MBD5: variants seen among roughly 807,000 people sequenced by gnomAD.
MBD5 encodes methyl-CpG-binding domain protein 5.
Under a neutral mutation model 117.3 loss-of-function variants are expected in MBD5, and 13 were observed. The observed-to-expected ratio is 0.11, with a 90% CI of 0.07 to 0.18. The LOEUF (loss-of-function observed/expected upper bound fraction) is 0.18. Among genes scored for constraint, MBD5 ranks in the 10% least tolerant of loss-of-function variants. MBD5 has a pLI of 1.00. For missense variants in MBD5, 1,879 were observed against 2,093.8 expected (o/e 0.90, Z 2.00); for synonymous variants, 727 against 766.4 (o/e 0.95, Z 0.85).
At chr2:148,387,663 G>A (rs1471965300) in intron 4 of MBD5, among the ~76,000 whole-genome samples, 1 of 151,902 alleles carries the variant, frequency 6.6e-6, no homozygotes, top group Admixed American at 6.6e-5. Flanking sequence ...AATAGAATTA[G>A]TAAAAATAGG....
intron 2 of MBD5, among the ~76,000 whole-genome samples, chr2:148,187,812 C>G (rs190668229): frequency 2.8e-4 from 42 of 151,954 alleles, no homozygotes; most frequent in African/African-American, 9.9e-4. Context: ...AAAAATGATG[C>G]TAGATGGAAA....
intron 3 of MBD5, among the ~76,000 whole-genome samples, chr2:148,325,816 T>G (rs950655097): frequency 6.6e-6 from 1 of 152,156 alleles, no homozygotes; most frequent in Non-Finnish European, 1.5e-5. Context: ...TTTGAACGGT[T>G]TTTTGTGTCC....
chr2:148,157,042 A>G (rs1198290596), intron 1 of MBD5, among the ~76,000 whole-genome samples: 1 of 152,212 alleles, frequency 6.6e-6, no homozygotes. Flanking sequence ...ACTTTCAGTC[A>G]CATAGCAATA....
At chr2:148,152,768 C>CT (rs1443657983) in intron 1 of MBD5, among the ~76,000 whole-genome samples, 1 of 150,566 alleles carries the variant, frequency 6.6e-6, no homozygotes, top group African/African-American at 2.4e-5. Context: ...CAACCCCTGC[C>CT]TTTTTTTGTT....
chr2:148,046,669 G>A (rs551567635), intron 1 of MBD5, among the ~76,000 whole-genome samples: 20 of 152,076 alleles, frequency 1.3e-4, no homozygotes, highest in Non-Finnish European at 2.8e-4. Flanking sequence ...CTATCTTTGT[G>A]TTATGCACAT....
intron 9 of MBD5, 32 bp from the exon 10 acceptor site, chr2:148,485,710 T>A: frequency 6.7e-7 from 1 of 1,496,490 alleles, no homozygotes; most frequent in Middle Eastern, 1.7e-4. Context: ...AAGAATCACA[T>A]TTATTTATAT....
Position 148,314,519 on chromosome 2 carries a change from C to T in MBD5, c.-679-27695C>T, listed in dbSNP as rs112239658. On this transcript the variant is annotated intron_variant, in intron 3 of 13. Transcript: ENST00000642680. ...CAGCCCCCCAGGTAGCTGGGATTAC[C>T]GGCAGTGCCACCACTCCCAGCTAAT... Among the ~76,000 whole-genome samples, 739 of 151,436 alleles carry T rather than the reference C, an allele frequency of 4.9e-3. 8 individuals are homozygous for T. Among genetic ancestry groups the T allele is most frequent in the African/African-American group, 0.017 (687 of 41,312 alleles).
intron 1 of MBD5, among the ~76,000 whole-genome samples, chr2:148,084,777 C>T (rs534754532): frequency 6.6e-6 from 1 of 152,238 alleles, no homozygotes; most frequent in East Asian, 1.9e-4. Flanking sequence ...ATATTTTTGT[C>T]ATTTTCATTT....
intron 3 of MBD5, among the ~76,000 whole-genome samples, chr2:148,238,434 G>C (rs1700138246): frequency 6.6e-6 from 1 of 152,118 alleles, no homozygotes. Flanking sequence ...AGAGTGATTT[G>C]AGGAATCTTC....
At chr2:148,404,552 G>A (rs898556819) in intron 4 of MBD5, among the ~76,000 whole-genome samples, 2 of 152,068 alleles carry the variant, frequency 1.3e-5, no homozygotes, top group Admixed American at 1.3e-4. Flanking sequence ...CTTCAGATAC[G>A]TTTCCTCTAC....
rs1313353878 is a variant in MBD5 at position 148,374,615 on chromosome 2, G to A, written c.-557+32279G>A. ...CTTCCGTTTGAAGTTTTTCTCCACA[G>A]TAGGTGGGCCTGAAGGTGACCCATA... On this transcript the variant is annotated intron_variant, in intron 4 of 13. Coordinates refer to ENST00000642680, the MANE Select transcript of MBD5 (RefSeq NM_001378120.1). 1.3e-5 allele frequency among the ~76,000 whole-genome samples: 2 copies of A among 152,186 alleles called. 1 individual carries two copies. Among genetic ancestry groups the A allele is most frequent in the Middle Eastern group, 6.3e-3 (2 of 316 alleles).
At chr2:148,039,623 T>C (rs1558898089) in intron 1 of MBD5, among the ~76,000 whole-genome samples, 1 of 152,196 alleles carries the variant, frequency 6.6e-6, no homozygotes, top group Non-Finnish European at 1.5e-5. Context: ...GCTATAGAAA[T>C]TGCATTTTCA....
chr2:148,397,384 C>A (rs1704753950), intron 4 of MBD5, among the ~76,000 whole-genome samples: 1 of 138,634 alleles, frequency 7.2e-6, no homozygotes, highest in Non-Finnish European at 1.5e-5. Context: ...GGCTAGAGAG[C>A]AGTGGCACGA....
intron 1 of MBD5, chr2:148,044,680 C>T: frequency 6.6e-6 from 1 of 151,910 alleles, no homozygotes; most frequent in East Asian, 1.9e-4. Flanking sequence ...AATAAAAGTG[C>T]CTGTTAATGT....
chr2:148,304,676 C>T (rs181193801), intron 3 of MBD5, among the ~76,000 whole-genome samples: 1 of 152,222 alleles, frequency 6.6e-6, no homozygotes, highest in African/African-American at 2.4e-5. Flanking sequence ...TATCTATACC[C>T]AAGGAGCAGA....
At chr2:148,328,202 A>G (rs1191197068) in intron 3 of MBD5, among the ~76,000 whole-genome samples, 2 of 152,202 alleles carry the variant, frequency 1.3e-5, no homozygotes, top group African/African-American at 4.8e-5. Flanking sequence ...GCCCATTCTC[A>G]GATCTCCAGC....
chr2:148,145,272 T>C (rs1697426191), intron 1 of MBD5, among the ~76,000 whole-genome samples: 1 of 152,196 alleles, frequency 6.6e-6, no homozygotes, highest in South Asian at 2.1e-4. Context: ...TTTATAGGAA[T>C]GCTTGTGATT....
chr2:148,339,752 T>C (rs34581667), intron 3 of MBD5, among the ~76,000 whole-genome samples: 9,253 of 152,140 alleles, frequency 0.061, 374 homozygotes, highest in Non-Finnish European at 0.087. Flanking sequence ...ATACAAAAAA[T>C]AAATAAATAA....
intron 1 of MBD5, among the ~76,000 whole-genome samples, chr2:148,057,039 T>C (rs1247882148): frequency 6.6e-6 from 1 of 151,872 alleles, no homozygotes; most frequent in Non-Finnish European, 1.5e-5. Context: ...ATTTGTTTAA[T>C]GTATGCATTA....
Sources: allele counts gnomAD v4.1 joint callset (sites outside exome capture counted in the v4.1 genomes callset), GRCh38; gene constraint gnomAD v4.1.1; transcripts MANE v1.5; gene names NCBI Gene and HGNC (gene_info 2026-07-23, HGNC 2026-07-21).